The following CCNE1 variants were observed in gnomAD, a reference collection of about 807,000 sequenced individuals.
CCNE1 encodes cyclin E1, also known as G1/S-specific cyclin-E1.
CCNE1 carries 8 observed loss-of-function variants against 54.1 expected under a neutral mutation model. The observed-to-expected ratio is 0.15, with a 90% confidence interval of 0.09 to 0.27. CCNE1 has a LOEUF of 0.27. Among genes scored for constraint, CCNE1 ranks in the 10% least tolerant of loss-of-function variants. CCNE1 has a pLI of 1.00. For missense variants in CCNE1, 430 were observed against 514.9 expected (o/e 0.84, Z 1.60); for synonymous variants, 179 against 185.2 (o/e 0.97, Z 0.27).
chr19:29,817,942 C>G (rs1974065068), intron 6 of CCNE1, among the ~76,000 whole-genome samples: 1 of 141,424 alleles, frequency 7.1e-6, no homozygotes, highest in African/African-American at 2.6e-5. Flanking sequence ...CTCACTGCAA[C>G]CTCTGCCTCA....
intron 4 of CCNE1, 118 bp from the exon 5 acceptor site, chr19:29,817,019 A>G (rs1974032450): frequency 9.7e-7 from 1 of 1,026,846 alleles, no homozygotes; most frequent in East Asian, 2.5e-5. Flanking sequence ...TTTTGGAAGC[A>G]CTTTCAGAAG....
chr19:29,817,448 G>C lies in CCNE1; in HGVS notation c.369G>C (p.Lys123Asn), dbSNP rs1315717726. The C allele has an allele frequency of 6.2e-7, 1 of 1,614,142 alleles. No homozygotes were observed. Among genetic ancestry groups the C allele is most frequent in the South Asian group, 1.1e-5 (1 of 91,086 alleles). Reference protein sequence around the residue: ...REEVWKIMLNKEKTYLRDQHF... With the variant: ...REEVWKIMLNNEKTYLRDQHF... ...AAGTCTGGAAAATCATGTTAAACAAGGAAAAGACATACTTAAGGGATCAGC... is the reference window on the plus strand; with the variant it reads ...AAGTCTGGAAAATCATGTTAAACAACGAAAAGACATACTTAAGGGATCAGC... The change falls in exon 6 of 12, where the codon AAG (lysine) becomes AAC (asparagine). Residue 123 changes from lysine (K) to asparagine (N), a missense_variant. By Grantham distance (94) the Lys-to-Asn change is moderately conservative (BLOSUM62 0). Coordinates refer to ENST00000262643, the MANE Select transcript of CCNE1 (RefSeq NM_001238.4).
chr19:29,815,818 G>A (rs1019267623), intron 4 of CCNE1, among the ~76,000 whole-genome samples: 2 of 150,758 alleles, frequency 1.3e-5, no homozygotes, highest in East Asian at 1.9e-4. Flanking sequence ...TAGTAGAGAC[G>A]GGGTTTCACC....
At position 29,814,542 on chromosome 19, in the gene CCNE1, C is replaced by T. The variant is rs3218035; in HGVS notation, c.180+1505C>T. On this transcript the variant is annotated intron_variant, in intron 4 of 11. Transcript: ENST00000262643. Reference sequence around the variant, plus strand: ...AGATTAATGGCGACAGATTTCTATACGTTTTGTAGAGTAGATAGCTTAAAC... The same window carrying T: ...AGATTAATGGCGACAGATTTCTATATGTTTTGTAGAGTAGATAGCTTAAAC... Among the ~76,000 whole-genome samples the T allele has an allele frequency of 0.013, 2,021 of 152,294 alleles. 112 individuals carry two copies. The East Asian group carries it at 0.13, about 10-fold the overall frequency.
rs1470536797 is a variant in CCNE1 at position 29,812,550 on chromosome 19, C to A, written c.-6C>A. ...CCCGCAGGCCTCAGGCCGGAGCAGC[C>A]CCATCATGCCGAGGGAGCGCAGGGA... is the stretch of plus-strand genomic sequence containing the variant. On this transcript the variant is annotated 5_prime_UTR_variant, in exon 2 of 12. Coordinates refer to ENST00000262643, the MANE Select transcript of CCNE1 (RefSeq NM_001238.4). 2.7e-6 allele frequency: 4 copies of A among 1,497,950 alleles called. No homozygotes were observed. The highest frequency in any genetic ancestry group is 2.2e-5 in the Admixed American group (1 of 45,722). The allele number at this position is 1,497,950 out of a possible 1,614,324, so 92.8% of individuals were successfully genotyped here. A position where few individuals can be genotyped will look rare whatever the true frequency, so the allele number is the denominator to read the frequency against.
chr19:29,812,851 G>A, intron 3 of CCNE1, 75 bp downstream of exon 3: 2 of 1,584,846 alleles, frequency 1.3e-6, no homozygotes, highest in Non-Finnish European at 1.7e-6. Context: ...CTGCCTACGG[G>A]GGCGGGGGTC....
chr19:29,821,624 T>C (rs1419962853), intron 7 of CCNE1, 98 bp from the exon 8 acceptor site: 3 of 597,230 alleles, frequency 5.0e-6, no homozygotes, highest in African/African-American at 3.8e-5. Context: ...CCTCTCTCTT[T>C]CCATGCCAGG....
rs1052877786 is a variant in CCNE1, at chr19:29,824,132, C to G, written c.*355C>G. 2 of 277,692 alleles carry G rather than the reference C, an allele frequency of 7.2e-6. No homozygotes were observed. The highest frequency in any genetic ancestry group is 1.4e-5 in the Non-Finnish European group (2 of 146,822). The allele number at this position is 277,692 out of a possible 1,614,324, so 17.2% of individuals were successfully genotyped here. A position where few individuals can be genotyped will look rare whatever the true frequency, so the allele number is the denominator to read the frequency against. ...CTCTCCTCGCAGGTGTTCTGGGCTC[C>G]GTTGTACCAAGTGGAGCAGGTGGTT... On this transcript the variant is annotated 3_prime_UTR_variant, in exon 12 of 12. Coordinates refer to ENST00000262643, the MANE Select transcript of CCNE1 (RefSeq NM_001238.4).
intron 2 of CCNE1, 54 bp downstream of exon 2, chr19:29,812,632 C>A: frequency 6.5e-7 from 1 of 1,543,490 alleles, no homozygotes. Flanking sequence ...GGACGGGTGG[C>A]GTGGGGGAGG....
Position 29,823,732 on chromosome 19 carries a change from G to A in CCNE1, c.1188G>A (p.Pro396=), listed in dbSNP as rs754411380. 2.2e-5 allele frequency: 35 copies of A among 1,613,906 alleles called. No homozygotes were observed. The highest frequency in any genetic ancestry group is 2.4e-5 in the Non-Finnish European group (28 of 1,179,964). The change falls in exon 12 of 12, where the codon CCG becomes CCA. Residue 396 remains proline (P), a synonymous_variant. Coordinates refer to ENST00000262643, the MANE Select transcript of CCNE1 (RefSeq NM_001238.4). ...ASPLPSGLLT[P]PQSGKKQSSG... ...CTCTCCCCAGTGGGCTCCTCACCCC[G>A]CCACAGAGCGGTAAGAAGCAGAGCA...
chr19:29,822,508 A>G lies in CCNE1; in HGVS notation c.1015A>G (p.Arg339Gly), dbSNP rs1375913707. The G allele has an allele frequency of 3.7e-6, 6 of 1,614,094 alleles. No homozygotes were observed. The highest frequency in any genetic ancestry group is 1.7e-5 in the Admixed American group (1 of 60,004). Residue 339 changes from arginine to glycine, a missense_variant, in exon 11 of 12, where the codon AGG (arginine) becomes GGG (glycine). This residue lies in a region of CCNE1 where 303 missense variants were observed against 401.1 expected (regional missense o/e 0.76). Coordinates refer to ENST00000262643, the MANE Select transcript of CCNE1 (RefSeq NM_001238.4). ...KWMVPFAMVI[R>G]ETGSSKLKHF... ...GATGGTTCCATTTGCCATGGTTATA[A>G]GGGAGACGGGGAGCTCAAAACTGAA...
chr19:29,812,872 GA>G, intron 3 of CCNE1, 96 bp downstream of exon 3: 1 of 1,590,370 alleles, frequency 6.3e-7, no homozygotes, highest in East Asian at 2.2e-5. Flanking sequence ...CCTTGGGCAG[GA>G]ACGGAGCTCA....
chr19:29,812,757 G>A lies in CCNE1; in HGVS notation c.92G>A (p.Arg31Lys). ...GAGTTCTCGGCTCGCTCCAGGAAGA[G>A]GAAGGCAAACGTGACCGTTGTGAGT... ...GAEFSARSRK[R>K]KANVTVFLQD... The change falls in exon 3 of 12, where the codon AGG becomes AAG. Residue 31 changes from arginine to lysine, a missense_variant. This residue lies in a region of CCNE1 where 127 missense variants were observed against 113.8 expected (regional missense o/e 1.12). Coordinates refer to ENST00000262643, the MANE Select transcript of CCNE1 (RefSeq NM_001238.4). 6.3e-7 allele frequency: 1 copy of A among 1,593,880 alleles called. No individual in the cohort carries two copies. Among genetic ancestry groups the A allele is most frequent in the Non-Finnish European group, 8.5e-7 (1 of 1,172,014 alleles).
chr19:29,814,638 G>T (rs1291308099), intron 4 of CCNE1, among the ~76,000 whole-genome samples: 1 of 152,056 alleles, frequency 6.6e-6, no homozygotes, highest in Non-Finnish European at 1.5e-5. Flanking sequence ...AGAACTTGGG[G>T]GTACAACAGA....
intron 6 of CCNE1, among the ~76,000 whole-genome samples, chr19:29,818,793 G>A (rs903759849): frequency 5.6e-5 from 8 of 143,570 alleles, no homozygotes; most frequent in African/African-American, 7.8e-5. Context: ...ACGGAGTTTC[G>A]CTCTTGTTGC....
At chr19:29,817,361 C>CT in intron 5 of CCNE1, 45 bp from the exon 6 acceptor site, 2 of 1,613,684 alleles carry the variant, frequency 1.2e-6, no homozygotes. Flanking sequence ...TGGACGCATT[C>CT]TTACCCCTTT....
At chr19:29,813,735 G>T (rs1202078345) in intron 4 of CCNE1, among the ~76,000 whole-genome samples, 1 of 151,992 alleles carries the variant, frequency 6.6e-6, no homozygotes, top group African/African-American at 2.4e-5. Context: ...CAAATTTCCT[G>T]CATGCAGTGT....
intron 6 of CCNE1, among the ~76,000 whole-genome samples, chr19:29,819,636 A>C (rs1974105044): frequency 6.6e-6 from 1 of 152,258 alleles, no homozygotes; most frequent in African/African-American, 2.4e-5. Flanking sequence ...TAATCAAAAG[A>C]ACAAGTATAA....
chr19:29,822,667 G>T, intron 11 of CCNE1, 64 bp downstream of exon 11: 2 of 1,527,882 alleles, frequency 1.3e-6, no homozygotes, highest in South Asian at 1.2e-5. Flanking sequence ...AAATAGGCCA[G>T]CCGCGGTGGT....
Sources: allele counts gnomAD v4.1 joint callset (sites outside exome capture counted in the v4.1 genomes callset), GRCh38; gene constraint gnomAD v4.1.1; regional missense constraint gnomAD v4.1.1; transcripts MANE v1.5; gene names NCBI Gene and HGNC (gene_info 2026-07-23, HGNC 2026-07-21).